ADGRB1: variants seen among roughly 807,000 people sequenced by gnomAD.
ADGRB1 encodes the protein adhesion G protein-coupled receptor B1, also known as brain-specific angiogenesis inhibitor 1.
A neutral mutation model predicts 175.7 loss-of-function variants in ADGRB1; 36 were observed. The ratio of observed to expected loss-of-function variants is 0.20; its 90% CI spans 0.16 to 0.27. The LOEUF is 0.27. Ranked by LOEUF, ADGRB1 falls within the 10% of genes least tolerant of loss-of-function variation. The pLI is 1.00. For synonymous variants in ADGRB1, 1,054 were observed against 979.4 expected, an observed-to-expected ratio of 1.08 and a Z score of -1.42; for missense variants, 1,731 against 2,255.3, an observed-to-expected ratio of 0.77 and a Z score of 4.71.
At chr8:142,507,013 G>C (rs1309715761) in intron 17 of ADGRB1, among the ~76,000 whole-genome samples, 2 of 152,236 alleles carry the variant, frequency 1.3e-5, no homozygotes, top group Non-Finnish European at 2.9e-5. Flanking sequence ...TGGGTGGGAG[G>C]GGGCAGGCAG....
intron 1 of ADGRB1, among the ~76,000 whole-genome samples, chr8:142,457,658 G>A (rs888609273): frequency 6.6e-6 from 1 of 151,826 alleles, no homozygotes; most frequent in African/African-American, 2.4e-5. Context: ...TAGCTACCCT[G>A]CAGGTTGACC....
chr8:142,537,067 C>A lies in ADGRB1; in HGVS notation c.3651C>A (p.Gly1217=). ...NGDSGGSFQN[G]HAQLMTDFEK... ...ACTCAGGGGGCTCCTTCCAGAACGGCCACGCCCAGCTCATGGTAGGACTCA... is the reference window on the plus strand; with the variant it reads ...ACTCAGGGGGCTCCTTCCAGAACGGACACGCCCAGCTCATGGTAGGACTCA... Residue 1217 remains glycine, a synonymous_variant, in exon 26 of 31, where the codon GGC becomes GGA. Transcript: ENST00000517894. This position sits in a 1 kb window ranked among gnomAD's most constrained non-coding sequence, Gnocchi z 4.6. 6.4e-7 allele frequency: 1 copy of A among 1,560,466 alleles called. No homozygotes were observed. Among genetic ancestry groups the A allele is most frequent in the Non-Finnish European group, 8.7e-7 (1 of 1,153,324 alleles).
intron 7 of ADGRB1, 103 bp downstream of exon 7, chr8:142,478,463 A>T: frequency 1.6e-6 from 2 of 1,286,532 alleles, no homozygotes; most frequent in Admixed American, 2.6e-5. Context: ...GGGCCCCGGC[A>T]TGTGACTGAG....
intron 19 of ADGRB1, among the ~76,000 whole-genome samples, chr8:142,518,454 A>C (rs9802170): frequency 1 from 152,204 of 152,206 alleles, 76,101 homozygotes; most frequent in Non-Finnish European, 1. Flanking sequence ...CATAATGTGT[A>C]CATGCCGCAC....
intron 17 of ADGRB1, among the ~76,000 whole-genome samples, chr8:142,495,491 T>C (rs1842171642): frequency 1.3e-5 from 2 of 152,132 alleles, no homozygotes; most frequent in Admixed American, 1.3e-4. Context: ...ATATCTATTA[T>C]CTCCCAGTTC....
intron 17 of ADGRB1, among the ~76,000 whole-genome samples, chr8:142,499,813 G>A (rs1174454799): frequency 6.6e-6 from 1 of 152,214 alleles, no homozygotes; most frequent in Non-Finnish European, 1.5e-5. Flanking sequence ...GCCACTTCCT[G>A]GGTGCCTGCT....
intron 2 of ADGRB1, among the ~76,000 whole-genome samples, chr8:142,468,136 A>G (rs976684605): frequency 2.6e-5 from 4 of 152,178 alleles, no homozygotes; most frequent in African/African-American, 9.7e-5. Context: ...GCACGTTTGC[A>G]TGCATGGCAT....
chr8:142,511,219 C>A lies in ADGRB1; in HGVS notation c.2817+146C>A, dbSNP rs1391633156. 3.0e-6 allele frequency: 2 copies of A among 675,672 alleles called. No individual in the cohort carries two copies. The highest frequency in any genetic ancestry group is 3.7e-6 in the Non-Finnish European group (2 of 543,168). 41.9% of individuals were successfully genotyped at this position (675,672 alleles called of 1,614,324 possible). A position where few individuals can be genotyped will look rare whatever the true frequency, so the allele number is the denominator to read the frequency against. Reference sequence around the variant, plus strand: ...CGCAGCCGCCGTGGCCTGGCCCGGCCGGCGGGGTCCATGCGCCTCTGGAGA... The same window carrying A: ...CGCAGCCGCCGTGGCCTGGCCCGGCAGGCGGGGTCCATGCGCCTCTGGAGA... On this transcript the variant is annotated intron_variant, in intron 18 of 30. Coordinates refer to ENST00000517894, the MANE Select transcript of ADGRB1 (RefSeq NM_001702.3). The surrounding 1 kb of genome is among the most constrained non-coding windows in gnomAD (Gnocchi z 4.5).
At position 142,487,560 on chromosome 8, in the gene ADGRB1, A is replaced by G. The variant is rs1165381800; in HGVS notation, c.2309-804A>G. Among the ~76,000 whole-genome samples the G allele has an allele frequency of 3.9e-5, 6 of 152,230 alleles. 1 individual carries two copies. The highest frequency in any genetic ancestry group is 1.4e-4 in the African/African-American group (6 of 41,546). On this transcript the variant is annotated intron_variant, in intron 13 of 30. Coordinates refer to ENST00000517894, the MANE Select transcript of ADGRB1 (RefSeq NM_001702.3). ...CTCTCCCTGCCGCATCTTGGGCTGC[A>G]TTCTTGAGGCTCCACTGGGGCCTGT...
chr8:142,510,983 CCG>C lies in ADGRB1; in HGVS notation c.2729_2730del (p.Arg910HisfsTer14). ...TCGGGCCCTGGTCGTGGCGCGGCTGCCGCACGGTGCCCCTCGACGCCCTCCGG... is the reference window on the plus strand; with the variant it reads ...TCGGGCCCTGGTCGTGGCGCGGCTGCCACGGTGCCCCTCGACGCCCTCCGG... ...QLGPWSWRGCRTVPLDALRTR... is the reference protein window; with the variant it reads ...QLGPWSWRGCXTVPLDALRTR... On this transcript the variant is annotated frameshift_variant, in exon 18 of 31. Transcript: ENST00000517894. LOFTEE classifies it high-confidence loss of function. The surrounding 1 kb of genome is among the most constrained non-coding windows in gnomAD (Gnocchi z 6.3). 7.7e-7 allele frequency: 1 copy of C among 1,302,738 alleles called. No homozygotes were observed. The highest frequency in any genetic ancestry group is 9.9e-7 in the Non-Finnish European group (1 of 1,007,976). The allele number at this position is 1,302,738 out of a possible 1,614,324, so 80.7% of individuals were successfully genotyped here.
At position 142,455,949 on chromosome 8, in the gene ADGRB1, G is replaced by A. The variant is rs1839647494; in HGVS notation, c.-220+5845G>A. On this transcript the variant is annotated intron_variant, in intron 1 of 30. Transcript: ENST00000517894. The surrounding 1 kb of genome is among the most constrained non-coding windows in gnomAD (Gnocchi z 4.9). The stretch of plus-strand genomic sequence containing the variant: ...CCTGCCTGTCCCGGAGAGTGCCAGA[G>A]CGTCCAGGGTAGCGCCTGTGTAGTG... 6.6e-6 allele frequency among the ~76,000 whole-genome samples: 1 copy of A among 152,156 alleles called. No homozygotes were observed. The highest frequency in any genetic ancestry group is 1.5e-5 in the Non-Finnish European group (1 of 68,016).
chr8:142,537,132 C>A lies in ADGRB1; in HGVS notation c.3666+50C>A. 1 of 1,346,216 alleles carries A rather than the reference C, an allele frequency of 7.4e-7. No homozygotes were observed. Among genetic ancestry groups the A allele is most frequent in the African/African-American group, 1.5e-5 (1 of 66,048 alleles). The allele number at this position is 1,346,216 out of a possible 1,614,324, so 83.4% of individuals were successfully genotyped here. A position where few individuals can be genotyped will look rare whatever the true frequency, so the allele number is the denominator to read the frequency against. ...AGGCTGCCCTACCTGCCTCGTACCC[C>A]CGCCAAGTGCCTCCAGGCCCTCACC... is the stretch of plus-strand genomic sequence containing the variant. On this transcript the variant is annotated intron_variant, in intron 26 of 30. Transcript: ENST00000517894. This position sits in a 1 kb window ranked among gnomAD's most constrained non-coding sequence, Gnocchi z 4.6.
Position 142,464,973 on chromosome 8 carries a change from G to A in ADGRB1, c.775G>A (p.Gly259Ser), listed in dbSNP as rs1037536309. The A allele has an allele frequency of 6.0e-6, 9 of 1,507,568 alleles. No individual in the cohort carries two copies. Among genetic ancestry groups the A allele is most frequent in the Non-Finnish European group, 7.9e-6 (9 of 1,134,678 alleles). The allele number at this position is 1,507,568 out of a possible 1,614,324, so 93.4% of individuals were successfully genotyped here. Residue 259 changes from glycine (G) to serine (S), a missense_variant, in exon 2 of 31, where the codon GGC becomes AGC. Physicochemically the swap from Gly to Ser is moderately conservative, Grantham distance 56 (BLOSUM62 0). This residue lies in a region of ADGRB1 where 178 missense variants were observed against 227.8 expected (regional missense o/e 0.78). Transcript: ENST00000517894. ...CCTGACCCAGGACCGGGGCGGGCAC[G>A]GCGCCACAGGTGAGTGACTGGCGGG... ...TSLTQDRGGHGATGGWKLWSL... is the reference protein window; with the variant it reads ...TSLTQDRGGHSATGGWKLWSL...
At chr8:142,531,620 G>A (rs13250675) in intron 24 of ADGRB1, among the ~76,000 whole-genome samples, 1 of 152,048 alleles carries the variant, frequency 6.6e-6, no homozygotes, top group Non-Finnish European at 1.5e-5. Context: ...CCAGGGCCAC[G>A]GTACCCTGAG....
Position 142,494,842 on chromosome 8 carries a change from G to A in ADGRB1, c.2675+4027G>A, listed in dbSNP as rs1308075193. ...CCTGGCTTGTAGTGCTGAGGGCCTG[G>A]GGAATGGGGATGCTAGGGAGGAAAA... is the stretch of plus-strand genomic sequence containing the variant. On this transcript the variant is annotated intron_variant, in intron 17 of 30. Coordinates refer to ENST00000517894, the MANE Select transcript of ADGRB1 (RefSeq NM_001702.3). Among the ~76,000 whole-genome samples, 3 of 152,128 alleles carry A rather than the reference G, an allele frequency of 2.0e-5. No homozygotes were observed. The South Asian group carries it at 6.2e-4, about 32-fold the overall frequency.
At chr8:142,513,069 C>T (rs1387947932) in intron 18 of ADGRB1, among the ~76,000 whole-genome samples, 1 of 152,200 alleles carries the variant, frequency 6.6e-6, no homozygotes, top group Non-Finnish European at 1.5e-5. Flanking sequence ...TAGCCCAGCC[C>T]ACGCACACTG....
chr8:142,478,964 GA>G (rs1841173282), intron 7 of ADGRB1, among the ~76,000 whole-genome samples: 2 of 147,092 alleles, frequency 1.4e-5, no homozygotes, highest in Admixed American at 6.7e-5. Context: ...GGTGTCTGTG[GA>G]GAAGCAGAGT....
At chr8:142,489,956 T>G (rs1409307476) in intron 16 of ADGRB1, among the ~76,000 whole-genome samples, 1 of 152,184 alleles carries the variant, frequency 6.6e-6, no homozygotes, top group Admixed American at 6.5e-5. Flanking sequence ...CCCTGCTCCT[T>G]GGAGCTCTCC....
chr8:142,477,584 AG>A lies in ADGRB1; in HGVS notation c.1387+38del, dbSNP rs760589197. 6.9e-6 allele frequency: 11 copies of A among 1,591,800 alleles called. No individual in the cohort carries two copies. In the African/African-American group the frequency reaches 1.3e-4, roughly 19 times the overall value. ...AGGGAGGGCGTAGGGGCAGGGAGGA[AG>A]GGAAGAAAGGGGAGGTCACAGTGGG... On this transcript the variant is annotated intron_variant, in intron 6 of 30. Coordinates refer to ENST00000517894, the MANE Select transcript of ADGRB1 (RefSeq NM_001702.3).
Sources: allele counts gnomAD v4.1 joint callset (sites outside exome capture counted in the v4.1 genomes callset), GRCh38; gene constraint gnomAD v4.1.1; regional missense constraint gnomAD v4.1.1; non-coding constraint Gnocchi (gnomAD v3.1); transcripts MANE v1.5; gene names NCBI Gene and HGNC (gene_info 2026-07-23, HGNC 2026-07-21).